The following DLG2 variants were observed in gnomAD, a reference collection of about 807,000 sequenced individuals.
The protein encoded by DLG2 is discs large MAGUK scaffold protein 2, also known as disks large homolog 2.
In DLG2, 45 loss-of-function variants were observed where a neutral mutation model predicts 132.5. That is an observed-to-expected ratio of 0.34 (90% CI 0.27 to 0.44). The LOEUF (loss-of-function observed/expected upper bound fraction) is 0.44, where lower values mean the gene tolerates loss of function less well. Ranked by LOEUF, DLG2 falls within the 20% of genes least tolerant of loss-of-function variation. The pLI is 1.00. For synonymous variants in DLG2, 424 were observed against 419.6 expected (o/e 1.01, Z -0.13); for missense variants, 1,045 against 1,196.9 (o/e 0.87, Z 1.87).
chr11:84,736,377 T>C (rs1209612752), intron 6 of DLG2, among the ~76,000 whole-genome samples: 1 of 151,872 alleles, frequency 6.6e-6, no homozygotes, highest in Admixed American at 6.6e-5. Flanking sequence ...TAAATTTTCA[T>C]ACAATTTTTA....
At chr11:85,191,162 G>GCGCGCGCACA (rs34410192) in intron 4 of DLG2, among the ~76,000 whole-genome samples, 2 of 139,842 alleles carry the variant, frequency 1.4e-5, no homozygotes, top group African/African-American at 5.6e-5. Context: ...GCGCACGCGC[G>GCGCGCGCACA]CACACACACA....
chr11:84,864,644 A>G (rs866688238), intron 6 of DLG2, among the ~76,000 whole-genome samples: 29 of 152,180 alleles, frequency 1.9e-4, no homozygotes, highest in African/African-American at 6.3e-4. Flanking sequence ...TCAAGTCTAC[A>G]AACATATGTA....
intron 10 of DLG2, among the ~76,000 whole-genome samples, chr11:84,080,625 T>C (rs2096888369): frequency 6.6e-6 from 1 of 152,208 alleles, no homozygotes; most frequent in East Asian, 1.9e-4. Flanking sequence ...GTTTTAATAA[T>C]TTTATTCAAC....
At chr11:85,050,648 G>A (rs908991231) in intron 6 of DLG2, among the ~76,000 whole-genome samples, 2 of 152,124 alleles carry the variant, frequency 1.3e-5, no homozygotes, top group Non-Finnish European at 2.9e-5. Flanking sequence ...TCCTCTCAGA[G>A]AAGGCTGGTT....
intron 2 of DLG2, among the ~76,000 whole-genome samples, chr11:85,604,836 C>T (rs941061588): frequency 6.6e-6 from 1 of 152,138 alleles, no homozygotes; most frequent in Non-Finnish European, 1.5e-5. Context: ...TTAAGAATAG[C>T]ATCACCAGAA....
intron 4 of DLG2, among the ~76,000 whole-genome samples, chr11:85,155,258 T>C (rs1478099709): frequency 6.6e-6 from 1 of 152,176 alleles, no homozygotes; most frequent in Non-Finnish European, 1.5e-5. Context: ...CTGTAAAAAT[T>C]GGGGCTTGAG....
intron 6 of DLG2, among the ~76,000 whole-genome samples, chr11:84,850,962 C>A (rs2082096916): frequency 6.6e-6 from 1 of 152,114 alleles, no homozygotes; most frequent in Admixed American, 6.6e-5. Flanking sequence ...TAACAGTGCT[C>A]TTCAAACTAA....
At chr11:83,859,717 T>A (rs2061131987) in intron 16 of DLG2, among the ~76,000 whole-genome samples, 1 of 152,208 alleles carries the variant, frequency 6.6e-6, no homozygotes, top group Admixed American at 6.5e-5. Context: ...AGGAGCTGAA[T>A]GTTAGTCACC....
intron 19 of DLG2, among the ~76,000 whole-genome samples, chr11:83,553,506 G>C (rs1040759475): frequency 1.3e-5 from 2 of 149,800 alleles, no homozygotes; most frequent in Non-Finnish European, 2.9e-5. Flanking sequence ...GTGTGTGTGT[G>C]TGTGTGTGTG....
chr11:84,372,988 T>C (rs765539931), intron 7 of DLG2, among the ~76,000 whole-genome samples: 7 of 151,844 alleles, frequency 4.6e-5, no homozygotes, highest in Non-Finnish European at 1.0e-4. Flanking sequence ...TACTGGCATA[T>C]GTGAATAATG....
intron 7 of DLG2, among the ~76,000 whole-genome samples, chr11:84,369,698 T>C (rs1208417305): frequency 1.3e-5 from 2 of 152,172 alleles, no homozygotes; most frequent in African/African-American, 2.4e-5. Flanking sequence ...TTCTGAAATT[T>C]TGTAATGTGA....
chr11:85,400,014 A>G (rs2152960967), intron 3 of DLG2, among the ~76,000 whole-genome samples: 1 of 152,198 alleles, frequency 6.6e-6, no homozygotes, highest in South Asian at 2.1e-4. Context: ...ATGGGAGAAA[A>G]TTTTCACATC....
At chr11:84,442,705 A>AG (rs1478348369) in intron 7 of DLG2, among the ~76,000 whole-genome samples, 69 of 134,182 alleles carry the variant, frequency 5.1e-4, no homozygotes, top group Non-Finnish European at 8.8e-4. Context: ...ATAATTAAAA[A>AG]AAAAGAAAGA....
intron 11 of DLG2, among the ~76,000 whole-genome samples, chr11:84,042,894 A>G (rs935148460): frequency 6.6e-6 from 1 of 151,790 alleles, no homozygotes; most frequent in African/African-American, 2.4e-5. Context: ...GGTGAGGTGC[A>G]GGGAGGGAGA....
chr11:84,360,831 G>C (rs532681338), intron 7 of DLG2, among the ~76,000 whole-genome samples: 2 of 151,902 alleles, frequency 1.3e-5, no homozygotes, highest in African/African-American at 4.8e-5. Flanking sequence ...AAATAGGTAA[G>C]AATGTTTAAG....
At chr11:84,518,984 G>C (rs1390794745) in intron 7 of DLG2, among the ~76,000 whole-genome samples, 2 of 152,070 alleles carry the variant, frequency 1.3e-5, no homozygotes, top group Non-Finnish European at 2.9e-5. Context: ...ATAAAGCCTG[G>C]AAATCCTCCT....
intron 6 of DLG2, among the ~76,000 whole-genome samples, chr11:84,733,337 C>T (rs1248389945): frequency 6.6e-6 from 1 of 152,166 alleles, no homozygotes; most frequent in Admixed American, 6.5e-5. Context: ...GCCATTCTAA[C>T]TGGTGTGAGA....
rs990391261 is a variant in DLG2, at chr11:83,880,540, A to G, written c.1497-6052T>C. The stretch of plus-strand genomic sequence containing the variant: ...TAAAGGGCCCTGTTTTTCCCAGGGT[A>G]TAGGAAGAGTTGTGCTCTCTTCTGT... On this transcript the variant is annotated intron_variant, in intron 15 of 27. Coordinates refer to ENST00000376104, the MANE Select transcript of DLG2 (RefSeq NM_001142699.3). Among the ~76,000 whole-genome samples, 6 of 152,066 alleles carry G rather than the reference A, an allele frequency of 3.9e-5. No homozygotes were observed. The East Asian group carries it at 7.7e-4, about 20-fold the overall frequency.
intron 7 of DLG2, among the ~76,000 whole-genome samples, chr11:84,394,389 A>C (rs1017167674): frequency 6.6e-6 from 1 of 151,020 alleles, no homozygotes; most frequent in Non-Finnish European, 1.5e-5. Context: ...ATTTTTAAAG[A>C]CAAAAGTTAT....
Sources: allele counts gnomAD v4.1 joint callset (sites outside exome capture counted in the v4.1 genomes callset), GRCh38; gene constraint gnomAD v4.1.1; transcripts MANE v1.5; gene names NCBI Gene and HGNC (gene_info 2026-07-23, HGNC 2026-07-21).